Variants in RORA observed in about 807,000 individuals in gnomAD.
RORA encodes nuclear receptor ROR-alpha.
In RORA, 7 loss-of-function variants were observed where a neutral mutation model predicts 69.5. The observed-to-expected ratio is 0.10, with a 90% CI of 0.06 to 0.19. The LOEUF is 0.19. Ranked by LOEUF, RORA falls within the 10% of genes least tolerant of loss-of-function variation. The probability of loss-of-function intolerance (pLI) is 1.00; values close to 1 mark genes in which losing one functional copy is unlikely to be tolerated. For synonymous variants in RORA, 261 were observed against 240.8 expected (o/e 1.08, Z -0.78); for missense variants, 457 against 663.0 (o/e 0.69, Z 3.41).
chr15:60,727,333 T>C (rs938572564), intron 1 of RORA, among the ~76,000 whole-genome samples: 2 of 152,128 alleles, frequency 1.3e-5, no homozygotes, highest in African/African-American at 4.8e-5. Flanking sequence ...CCCACTGAAT[T>C]CCCAACATAC....
chr15:60,631,260 A>G (rs2069731261), intron 2 of RORA, among the ~76,000 whole-genome samples: 1 of 152,174 alleles, frequency 6.6e-6, no homozygotes, highest in Non-Finnish European at 1.5e-5. Context: ...TATGTGACTG[A>G]CCGCTAAAAC....
intron 1 of RORA, among the ~76,000 whole-genome samples, chr15:61,085,343 T>TTCA (rs1369277773): frequency 6.6e-6 from 1 of 152,120 alleles, no homozygotes; most frequent in Non-Finnish European, 1.5e-5. Flanking sequence ...AGCTAGCTGT[T>TTCA]TCATGGTGGG....
chr15:61,013,120 G>T (rs75244606), intron 1 of RORA, among the ~76,000 whole-genome samples: 1 of 152,258 alleles, frequency 6.6e-6, no homozygotes, highest in African/African-American at 2.4e-5. Context: ...CAGACACATT[G>T]TTTATTCATT....
intron 1 of RORA, among the ~76,000 whole-genome samples, chr15:60,775,615 C>G (rs1030377804): frequency 6.6e-6 from 1 of 152,164 alleles, no homozygotes; most frequent in South Asian, 2.1e-4. Flanking sequence ...CTGATTACCC[C>G]CTACTCAAGG....
At chr15:60,610,198 T>TCACACA (rs10674463) in intron 2 of RORA, among the ~76,000 whole-genome samples, 69,151 of 148,184 alleles carry the variant, frequency 0.47, 16,247 homozygotes, top group East Asian at 0.73. Flanking sequence ...GTCGTGTAAG[T>TCACACA]CACACACACA....
chr15:61,016,248 T>G (rs1302269285), intron 1 of RORA, among the ~76,000 whole-genome samples: 5 of 152,178 alleles, frequency 3.3e-5, no homozygotes, highest in Non-Finnish European at 1.5e-5. Context: ...TTAGATGAGA[T>G]AATACAAATA....
intron 2 of RORA, among the ~76,000 whole-genome samples, chr15:60,581,442 G>T (rs896835526): frequency 6.6e-6 from 1 of 152,200 alleles, no homozygotes; most frequent in African/African-American, 2.4e-5. Flanking sequence ...AAAGTTGCTT[G>T]ATGTTACGGA....
chr15:60,830,083 T>C (rs1242971063), intron 1 of RORA, among the ~76,000 whole-genome samples: 1 of 152,258 alleles, frequency 6.6e-6, no homozygotes, highest in African/African-American at 2.4e-5. Context: ...GTCATACCAT[T>C]TGTCTTGGAT....
At chr15:61,137,025 A>G (rs192120206) in intron 1 of RORA, among the ~76,000 whole-genome samples, 1 of 64,580 alleles carries the variant, frequency 1.5e-5, no homozygotes, top group East Asian at 3.6e-4. Context: ...ATAAAAAAGA[A>G]AGAAAGAAAG....
rs545662373 is a variant in RORA at position 60,833,685 on chromosome 15, C to T, written c.167-154999G>A. Among the ~76,000 whole-genome samples, 66 of 152,210 alleles carry T rather than the reference C, an allele frequency of 4.3e-4. 1 individual carries two copies. The highest frequency in any genetic ancestry group is 7.8e-4 in the Non-Finnish European group (53 of 68,044). ...CCTTTTCTGGAATCTGGCAACACCTCTATGAATTTGGCATATAATTACTAA... is the reference window on the plus strand; with the variant it reads ...CCTTTTCTGGAATCTGGCAACACCTTTATGAATTTGGCATATAATTACTAA... On this transcript the variant is annotated intron_variant, in intron 1 of 10. Coordinates refer to ENST00000335670, the MANE Select transcript of RORA (RefSeq NM_134261.3).
chr15:60,768,332 G>A (rs1180589922), intron 1 of RORA, among the ~76,000 whole-genome samples: 3 of 152,186 alleles, frequency 2.0e-5, no homozygotes, highest in Non-Finnish European at 4.4e-5. Flanking sequence ...TGCACTGTGG[G>A]ATCGTGATGG....
At chr15:61,043,408 A>G (rs1408209749) in intron 1 of RORA, among the ~76,000 whole-genome samples, 2 of 152,324 alleles carry the variant, frequency 1.3e-5, no homozygotes, top group African/African-American at 2.4e-5. Context: ...ACCTGTCAAG[A>G]ACTTTGTAAA....
chr15:60,539,518 A>G (rs561142555), intron 2 of RORA, among the ~76,000 whole-genome samples: 1 of 152,332 alleles, frequency 6.6e-6, no homozygotes, highest in South Asian at 2.1e-4. Context: ...CTCCTATCAC[A>G]TAGTAGTGCA....
At chr15:61,045,815 G>T (rs1896991069) in intron 1 of RORA, among the ~76,000 whole-genome samples, 1 of 152,160 alleles carries the variant, frequency 6.6e-6, no homozygotes, top group Admixed American at 6.5e-5. Context: ...AACACAAACG[G>T]AATGTCTGAT....
intron 2 of RORA, among the ~76,000 whole-genome samples, chr15:60,673,136 C>T (rs2070499941): frequency 6.6e-6 from 1 of 152,138 alleles, no homozygotes; most frequent in African/African-American, 2.4e-5. Context: ...ACTTTTTGTC[C>T]AAATGCAATT....
intron 1 of RORA, among the ~76,000 whole-genome samples, chr15:60,709,500 A>C (rs1460300950): frequency 6.6e-6 from 1 of 152,152 alleles, no homozygotes; most frequent in African/African-American, 2.4e-5. Context: ...GCACAGCAGG[A>C]GGTGAGCCGA....
intron 2 of RORA, among the ~76,000 whole-genome samples, chr15:60,645,220 T>TGAGGGAGGGGGAAGGAGAG (rs2070018104): frequency 6.6e-6 from 1 of 150,966 alleles, no homozygotes; most frequent in Non-Finnish European, 1.5e-5. Flanking sequence ...GATCGTGGCA[T>TGAGGGAGGGGGAAGGAGAG]GAGGGAGGGG....
At chr15:61,156,679 G>C (rs2079447326) in intron 1 of RORA, among the ~76,000 whole-genome samples, 1 of 152,212 alleles carries the variant, frequency 6.6e-6, no homozygotes, top group Admixed American at 6.5e-5. Flanking sequence ...ATGAAATACA[G>C]CAAAGGCTTG....
rs144718187 is a variant in RORA, at chr15:60,883,154, A to AAG, written c.167-204470_167-204469dup. Among the ~76,000 whole-genome samples the AAG allele has an allele frequency of 6.8e-3, 639 of 94,028 alleles. 9 individuals are homozygous for AAG. The highest frequency in any genetic ancestry group is 0.022 in the African/African-American group (584 of 26,412). 61.7% of individuals were successfully genotyped at this position (94,028 alleles called of 152,430 possible). A position where few individuals can be genotyped will look rare whatever the true frequency, so the allele number is the denominator to read the frequency against. On this transcript the variant is annotated intron_variant, in intron 1 of 10. Transcript: ENST00000335670. ...TCAAAAAAAAAAAAAAAAAAAAAGA[A>AAG]AGAGAGAGAGAGAGAGAGAGAGAGA...
Sources: gnomAD v4.1 joint callset for allele counts (sites outside exome capture counted in the v4.1 genomes callset) on GRCh38, gnomAD v4.1.1 for gene constraint, MANE v1.5 for transcripts, NCBI Gene and HGNC (gene_info 2026-07-23, HGNC 2026-07-21) for gene names.